MYH13: variants seen among roughly 807,000 people sequenced by gnomAD.
MYH13 encodes the protein myosin heavy chain 13.
Under a neutral mutation model 232.1 loss-of-function variants are expected in MYH13, and 177 were observed. The observed-to-expected ratio is 0.76, with a 90% CI of 0.67 to 0.86. MYH13 has a LOEUF of 0.86. Ranked by LOEUF, MYH13 falls within the 40% of genes least tolerant of loss-of-function variation. The probability of loss-of-function intolerance (pLI) is 0.00; values close to 1 mark genes in which losing one functional copy is unlikely to be tolerated. For missense variants in MYH13, 2,246 were observed against 2,405.9 expected (o/e 0.93, Z 1.39); for synonymous variants, 884 against 923.5 (o/e 0.96, Z 0.78).
chr17:10,326,055 A>G (rs1328605288), intron 22 of MYH13, among the ~76,000 whole-genome samples: 1 of 152,204 alleles, frequency 6.6e-6, no homozygotes, highest in African/African-American at 2.4e-5. Context: ...ATGTTTGCTG[A>G]ACATCTATAA....
rs1906550110 is a variant in MYH13, at chr17:10,312,687, A to G, written c.4252T>C (p.Leu1418=). ...TETANSKCAS[L]EKTKQRLQGE... ...TGCAGCCTCTGCTTGGTTTTCTCCA[A>G]CGATGCGCACTTGGAGTTCGCCGTC... Residue 1418 remains leucine, a synonymous_variant, in exon 31 of 41, where the codon TTG becomes CTG. Coordinates refer to ENST00000252172, the MANE Select transcript of MYH13 (RefSeq NM_003802.3). The G allele has an allele frequency of 6.2e-7, 1 of 1,612,950 alleles. No homozygotes were observed. Among genetic ancestry groups the G allele is most frequent in the Non-Finnish European group, 8.5e-7 (1 of 1,179,726 alleles).
At chr17:10,361,855 G>A (rs557827928) in intron 5 of MYH13, among the ~76,000 whole-genome samples, 8 of 152,162 alleles carry the variant, frequency 5.3e-5, no homozygotes, top group Non-Finnish European at 1.0e-4. Context: ...GGTTCCCTGG[G>A]GACAAAGGTA....
chr17:10,336,237 ATG>A (rs2071574247), intron 18 of MYH13, among the ~76,000 whole-genome samples: 1 of 152,048 alleles, frequency 6.6e-6, no homozygotes, highest in Non-Finnish European at 1.5e-5. Flanking sequence ...CCGGCCTGAG[ATG>A]TTTTCTATCA....
At chr17:10,314,242 A>G (rs1043362629) in intron 29 of MYH13, among the ~76,000 whole-genome samples, 2 of 152,128 alleles carry the variant, frequency 1.3e-5, no homozygotes, top group African/African-American at 4.8e-5. Flanking sequence ...CAACATGGAG[A>G]AACCCTGTCA....
At chr17:10,335,711 C>T (rs144747508) in intron 18 of MYH13, among the ~76,000 whole-genome samples, 365 of 151,630 alleles carry the variant, frequency 2.4e-3, no homozygotes, top group African/African-American at 8.3e-3. Flanking sequence ...GCTGAGATGG[C>T]GCCACTGCAC....
chr17:10,334,789 G>T (rs1253514149), intron 18 of MYH13, among the ~76,000 whole-genome samples: 2 of 152,284 alleles, frequency 1.3e-5, no homozygotes, highest in Non-Finnish European at 2.9e-5. Flanking sequence ...TGCGTCAAGA[G>T]AATCGCTTGA....
At chr17:10,320,068 C>T in intron 26 of MYH13, 85 bp downstream of exon 26, 1 of 977,258 alleles carries the variant, frequency 1.0e-6, no homozygotes. Flanking sequence ...AGGAAAGAAG[C>T]AGCTAAAGAA....
chr17:10,363,311 G>A (rs1375412382), intron 3 of MYH13, among the ~76,000 whole-genome samples: 66 of 66,590 alleles, frequency 9.9e-4, no homozygotes, highest in African/African-American at 3.6e-3. Flanking sequence ...GTGAGACTCC[G>A]TCTCAAAAAA....
chr17:10,330,575 C>A lies in MYH13; in HGVS notation c.2299-52G>T, dbSNP rs371196815. 336 of 1,557,778 alleles carry A rather than the reference C, an allele frequency of 2.2e-4. 2 individuals carry two copies. In the African/African-American group the frequency reaches 4.2e-3, roughly 20 times the overall value. ...ATCTTTTTCCCCAGCAGGCGTTCAG[C>A]CGGGCCCTTGAGGGGGCCTGTTTCT... On this transcript the variant is annotated intron_variant, in intron 20 of 40. Transcript: ENST00000252172.
chr17:10,345,660 A>G (rs924119350), intron 13 of MYH13, 44 bp from the exon 14 acceptor site: 3 of 1,613,842 alleles, frequency 1.9e-6, no homozygotes, highest in Non-Finnish European at 2.5e-6. Flanking sequence ...TAGTGTTTCT[A>G]TGGCTGCATT....
At chr17:10,336,780 T>C (rs922026490) in intron 18 of MYH13, among the ~76,000 whole-genome samples, 1 of 152,182 alleles carries the variant, frequency 6.6e-6, no homozygotes, top group Non-Finnish European at 1.5e-5. Flanking sequence ...CTGTTCATGC[T>C]ACCTCGCCTG....
chr17:10,336,628 C>T (rs1283381522), intron 18 of MYH13, among the ~76,000 whole-genome samples: 1 of 152,186 alleles, frequency 6.6e-6, no homozygotes, highest in African/African-American at 2.4e-5. Flanking sequence ...TTATCAGGCT[C>T]TCACAGGGCT....
chr17:10,349,191 C>A (rs1446572689), intron 12 of MYH13, among the ~76,000 whole-genome samples: 1 of 152,122 alleles, frequency 6.6e-6, no homozygotes, highest in Non-Finnish European at 1.5e-5. Context: ...CAACCTCCAC[C>A]TCCCGGGATC....
Position 10,303,212 on chromosome 17 carries a change from C to T in MYH13, c.5651G>A (p.Arg1884Lys). Residue 1884 changes from arginine (R) to lysine (K), a missense_variant, in exon 39 of 41, where the codon AGG becomes AAG. Physicochemically the swap from Arg to Lys is conservative, Grantham distance 26. Transcript: ENST00000252172. The part of the protein sequence containing the change: ...KLQAKVKSYK[R>K]QAEEAEEQAN... Reference sequence around the variant, plus strand: ...TGTGCTTACCGCCTCCTCAGCCTGCCTCTTGTAAGACTTCACTTTGGCCTG... The same window carrying T: ...TGTGCTTACCGCCTCCTCAGCCTGCTTCTTGTAAGACTTCACTTTGGCCTG... 1 of 1,613,276 alleles carries T rather than the reference C, an allele frequency of 6.2e-7. No individual in the cohort carries two copies. The highest frequency in any genetic ancestry group is 1.8e-4 in the Middle Eastern group (1 of 5,476).
chr17:10,344,494 T>C (rs1248632967), intron 15 of MYH13, among the ~76,000 whole-genome samples: 1 of 152,004 alleles, frequency 6.6e-6, no homozygotes, highest in African/African-American at 2.4e-5. Context: ...ACATGAGCAG[T>C]GCTCAAATAT....
At chr17:10,358,799 C>T (rs1456489456) in intron 7 of MYH13, among the ~76,000 whole-genome samples, 1 of 66,626 alleles carries the variant, frequency 1.5e-5, no homozygotes, top group Non-Finnish European at 3.4e-5. Context: ...TGAGGTCCCA[C>T]CCTAGATCTA....
chr17:10,312,537 C>T (rs1906543136), intron 31 of MYH13, 37 bp downstream of exon 31: 3 of 1,586,036 alleles, frequency 1.9e-6, no homozygotes, highest in African/African-American at 2.7e-5. Flanking sequence ...GAATTATCCT[C>T]ATGCCATCTT....
chr17:10,362,547 G>C, intron 3 of MYH13, 44 bp from the exon 4 acceptor site: 1 of 1,613,014 alleles, frequency 6.2e-7, no homozygotes, highest in South Asian at 1.1e-5. Context: ...GGTGAGCCAA[G>C]TGCCCACATT....
At position 10,304,330 on chromosome 17, in the gene MYH13, T is replaced by G. The variant is rs553256117; in HGVS notation, c.5467-832A>C. The stretch of plus-strand genomic sequence containing the variant: ...TCCTCCTAGGTCTTAGGAGCCACAT[T>G]TTATTGACAATGCAGGTGCTTTGAG... On this transcript the variant is annotated intron_variant, in intron 37 of 40. Transcript: ENST00000252172. The surrounding 1 kb of genome is among the most constrained non-coding windows in gnomAD (Gnocchi z 5.3). 2.3e-4 allele frequency among the ~76,000 whole-genome samples: 35 copies of G among 152,294 alleles called. No homozygotes were observed. The highest frequency in any genetic ancestry group is 6.5e-4 in the African/African-American group (27 of 41,542).
Sources: allele counts gnomAD v4.1 joint callset (sites outside exome capture counted in the v4.1 genomes callset), GRCh38; gene constraint gnomAD v4.1.1; non-coding constraint Gnocchi (gnomAD v3.1); transcripts MANE v1.5; gene names NCBI Gene and HGNC (gene_info 2026-07-23, HGNC 2026-07-21).